Variants in AHRR observed in about 807,000 individuals in gnomAD.
AHRR encodes the protein aryl hydrocarbon receptor repressor.
AHRR carries 28 observed loss-of-function variants against 44.0 expected under a neutral mutation model. The ratio of observed to expected loss-of-function variants is 0.64; its 90% CI spans 0.47 to 0.87. The LOEUF is 0.87. Among genes scored for constraint, AHRR ranks in the 40% least tolerant of loss-of-function variants. The pLI is 0.00. For synonymous variants in AHRR, 434 were observed against 407.0 expected (o/e 1.07, Z -0.80); for missense variants, 990 against 953.9 (o/e 1.04, Z -0.50).
chr5:423,302 A>G (rs1736219131), intron 6 of AHRR, among the ~76,000 whole-genome samples: 1 of 152,170 alleles, frequency 6.6e-6, no homozygotes, highest in Non-Finnish European at 1.5e-5. Context: ...ACCCCTGCAC[A>G]GGGCTTGCTC....
intron 3 of AHRR, among the ~76,000 whole-genome samples, chr5:365,600 T>C (rs1359721630): frequency 2.0e-5 from 3 of 151,856 alleles, no homozygotes; most frequent in East Asian, 1.9e-4. Flanking sequence ...ATAGAAGATA[T>C]TGATGAAATA....
At chr5:423,018 G>T (rs2126533545) in intron 6 of AHRR, among the ~76,000 whole-genome samples, 160 bp downstream of exon 6, 1 of 152,274 alleles carries the variant, frequency 6.6e-6, no homozygotes, top group South Asian at 2.1e-4. Flanking sequence ...CTCCTCCCAT[G>T]TCCCTCCCTG....
rs72717408 is a variant in AHRR at position 427,929 on chromosome 5, C to T, written c.831C>T (p.Ser277=). Reference sequence around the variant, plus strand: ...TTGCGGCACCCGTTCTCCTCCCCTCCGCAGCGGAGATGAAAATGAGGAGCG... The same window carrying T: ...TTGCGGCACCCGTTCTCCTCCCCTCTGCAGCGGAGATGAAAATGAGGAGCG... ...FCIAAPVLLP[S]AAEMKMRSAL... is the part of the protein sequence containing the mutation. Residue 277 remains serine (S), a synonymous_variant, in exon 8 of 11, where the codon TCC becomes TCT. Coordinates refer to ENST00000684583, the MANE Select transcript of AHRR (RefSeq NM_001377236.1). 40,228 of 1,614,060 alleles carry T rather than the reference C, an allele frequency of 0.025. 653 individuals are homozygous for T. Among genetic ancestry groups the T allele is most frequent in the Non-Finnish European group, 0.03 (35,966 of 1,180,006 alleles).
chr5:332,482 G>A (rs1445025621), intron 1 of AHRR, among the ~76,000 whole-genome samples: 1 of 151,976 alleles, frequency 6.6e-6, no homozygotes. Context: ...TGGCCAGGCT[G>A]GTCTCGAACT....
chr5:347,860 G>A (rs2672717), intron 2 of AHRR, among the ~76,000 whole-genome samples: 2,186 of 152,316 alleles, frequency 0.014, 57 homozygotes, highest in African/African-American at 0.051. Flanking sequence ...GGCCCCCTCC[G>A]CTCTGGCCAT....
intron 1 of AHRR, among the ~76,000 whole-genome samples, chr5:339,368 A>G (rs2721034): frequency 0.66 from 101,064 of 152,088 alleles, 34,273 homozygotes; most frequent in African/African-American, 0.74. Context: ...TGATTCTCCC[A>G]CCTTGGCCTC....
chr5:390,977 T>A (rs1350184112), intron 4 of AHRR, among the ~76,000 whole-genome samples: 1 of 152,116 alleles, frequency 6.6e-6, no homozygotes, highest in Non-Finnish European at 1.5e-5. Context: ...AGAAGGGGTC[T>A]GGGTGGGGAT....
At chr5:412,931 G>A (rs187663416) in intron 4 of AHRR, among the ~76,000 whole-genome samples, 66 of 152,148 alleles carry the variant, frequency 4.3e-4, no homozygotes, top group Non-Finnish European at 2.9e-5. Flanking sequence ...ATGTTAGCCA[G>A]GCTGGTCAAT....
At chr5:429,599 A>C (rs534433309) in intron 8 of AHRR, among the ~76,000 whole-genome samples, 21 of 152,166 alleles carry the variant, frequency 1.4e-4, no homozygotes, top group African/African-American at 4.6e-4. Context: ...CTGCAGGCCC[A>C]GGCCCTGGTA....
At chr5:377,694 C>T (rs1372632261) in intron 4 of AHRR, among the ~76,000 whole-genome samples, 1 of 152,238 alleles carries the variant, frequency 6.6e-6, no homozygotes, top group Non-Finnish European at 1.5e-5. Context: ...ACCCCCAGCT[C>T]GCTCTACTCT....
In AHRR at chr5:338,281, A is replaced by G. The variant is rs551247191; in HGVS notation, c.-10-5612A>G. Among the ~76,000 whole-genome samples, 66 of 152,292 alleles carry G rather than the reference A, an allele frequency of 4.3e-4. No individual in the cohort carries two copies. The highest frequency in any genetic ancestry group is 6.8e-3 in the Middle Eastern group (2 of 294). ...GTGCCATGTTGTAGACCCATACTAC[A>G]ATCTGGTATCATTTTCCTTTGGCCT... On this transcript the variant is annotated intron_variant, in intron 1 of 10. Coordinates refer to ENST00000684583, the MANE Select transcript of AHRR (RefSeq NM_001377236.1). This position sits in a 1 kb window ranked among gnomAD's most constrained non-coding sequence, Gnocchi z 4.1.
intron 2 of AHRR, among the ~76,000 whole-genome samples, chr5:345,427 GGTGTGCGTGTGTGGGTGTGTGT>G (rs1742619392): frequency 2.0e-5 from 2 of 100,920 alleles, no homozygotes; most frequent in South Asian, 3.1e-4. Context: ...TGTGTGTGTG[GGTGTGCGTGTGTGGGTGTGTGT>G]GTGTGTGTGT....
intron 3 of AHRR, among the ~76,000 whole-genome samples, chr5:372,527 C>T (rs1450686178): frequency 6.6e-6 from 1 of 152,172 alleles, no homozygotes; most frequent in Non-Finnish European, 1.5e-5. Context: ...GCTCCCTGTC[C>T]AGCACTGAAG....
intron 1 of AHRR, among the ~76,000 whole-genome samples, chr5:331,138 G>A (rs1383440570): frequency 6.6e-6 from 1 of 152,110 alleles, no homozygotes; most frequent in African/African-American, 2.4e-5. Context: ...GCCTCCCAAA[G>A]TGCTGGGATT....
intron 1 of AHRR, among the ~76,000 whole-genome samples, chr5:325,658 G>A (rs80124869): frequency 3.5e-5 from 5 of 144,922 alleles, no homozygotes; most frequent in Admixed American, 1.4e-4. Context: ...CCCACCCACC[G>A]GCATCTGTCC....
chr5:414,643 A>G (rs1197886088), intron 5 of AHRR, among the ~76,000 whole-genome samples: 1 of 152,268 alleles, frequency 6.6e-6, no homozygotes, highest in Non-Finnish European at 1.5e-5. Context: ...TAAGGAGCAA[A>G]GCCGTCCAAA....
chr5:347,728 G>T (rs1241135442), intron 2 of AHRR, among the ~76,000 whole-genome samples: 5 of 152,224 alleles, frequency 3.3e-5, no homozygotes, highest in Non-Finnish European at 5.9e-5. Context: ...CCATGGAGGG[G>T]CTGCTGGCAC....
chr5:415,826 G>A (rs1425611672), intron 5 of AHRR, among the ~76,000 whole-genome samples: 1 of 152,166 alleles, frequency 6.6e-6, no homozygotes, highest in East Asian at 1.9e-4. Context: ...CGCAGGCCCT[G>A]AGGCTGCACA....
chr5:418,515 C>G (rs187542732), intron 5 of AHRR, among the ~76,000 whole-genome samples: 2 of 152,272 alleles, frequency 1.3e-5, no homozygotes, highest in East Asian at 3.9e-4. Flanking sequence ...AGCAGCAGAC[C>G]CTTTCTCGCC....
Sources: gnomAD v4.1 joint callset for allele counts (sites outside exome capture counted in the v4.1 genomes callset) on GRCh38, gnomAD v4.1.1 for gene constraint, Gnocchi (gnomAD v3.1) non-coding constraint, MANE v1.5 for transcripts, NCBI Gene and HGNC (gene_info 2026-07-23, HGNC 2026-07-21) for gene names.